Variants in KCNB2 observed in about 807,000 individuals in gnomAD.
KCNB2 encodes delayed rectifier potassium channel protein.
Under a neutral mutation model 61.5 loss-of-function variants are expected in KCNB2, and 15 were observed. The observed-to-expected ratio is 0.24, with a 90% confidence interval of 0.16 to 0.38. The LOEUF (loss-of-function observed/expected upper bound fraction) is 0.38. KCNB2 is among the 10% of genes least tolerant of loss of function. KCNB2 has a pLI of 1.00. For missense variants in KCNB2, 828 were observed against 1,125.2 expected, an observed-to-expected ratio of 0.74 and a Z score of 3.78; for synonymous variants, 457 against 446.0, an observed-to-expected ratio of 1.02 and a Z score of -0.31.
At chr8:72,660,513 C>T (rs548619978) in intron 2 of KCNB2, 1 of 152,296 alleles carries the variant, frequency 6.6e-6, no homozygotes, top group East Asian at 1.9e-4. Flanking sequence ...ACCTCATTTC[C>T]AACATCAGAG....
chr8:72,692,791 T>C (rs956735406), intron 2 of KCNB2, among the ~76,000 whole-genome samples: 8 of 148,942 alleles, frequency 5.4e-5, no homozygotes, highest in Admixed American at 4.0e-4. Flanking sequence ...ATTATTTATT[T>C]ATTTATTATT....
chr8:72,871,269 A>G (rs1366217560), intron 2 of KCNB2, among the ~76,000 whole-genome samples: 1 of 152,252 alleles, frequency 6.6e-6, no homozygotes, highest in Non-Finnish European at 1.5e-5. Context: ...GAAGGGAAGT[A>G]TATAGTGTCT....
chr8:72,938,320 A>G lies in KCNB2; in HGVS notation c.*229A>G. ...AACAAAAATGACTGAAGAACAGTGA[A>G]CAAATAAAAAGAGCTCTATTAGGAA... On this transcript the variant is annotated 3_prime_UTR_variant, in exon 3 of 3. Coordinates refer to ENST00000523207, the MANE Select transcript of KCNB2 (RefSeq NM_004770.3). 1 of 466,978 alleles carries G rather than the reference A, an allele frequency of 2.1e-6. No homozygotes were observed. The highest frequency in any genetic ancestry group is 3.8e-5 in the South Asian group (1 of 26,666). 28.9% of individuals were successfully genotyped at this position (466,978 alleles called of 1,614,324 possible). A position where few individuals can be genotyped will look rare whatever the true frequency, so the allele number is the denominator to read the frequency against.
At chr8:72,817,834 C>A (rs944768465) in intron 2 of KCNB2, among the ~76,000 whole-genome samples, 4 of 152,092 alleles carry the variant, frequency 2.6e-5, no homozygotes, top group African/African-American at 9.7e-5. Context: ...CAGAATAGTA[C>A]CTGTAAATGT....
At chr8:72,595,070 C>G (rs1807166317) in intron 2 of KCNB2, among the ~76,000 whole-genome samples, 1 of 152,030 alleles carries the variant, frequency 6.6e-6, no homozygotes, top group Non-Finnish European at 1.5e-5. Flanking sequence ...ACAGATCAGC[C>G]TTGCAGTGTG....
At chr8:72,798,425 C>A (rs973030186) in intron 2 of KCNB2, among the ~76,000 whole-genome samples, 7 of 152,194 alleles carry the variant, frequency 4.6e-5, no homozygotes, top group African/African-American at 1.7e-4. Flanking sequence ...CCTACCATAG[C>A]ACTCAGCATA....
At chr8:72,705,872 A>C (rs1024512970) in intron 2 of KCNB2, among the ~76,000 whole-genome samples, 20 of 152,242 alleles carry the variant, frequency 1.3e-4, no homozygotes, top group African/African-American at 4.3e-4. Context: ...CAAGAGGCTC[A>C]GTTTGTAAAG....
chr8:72,603,269 T>C (rs1486918093), intron 2 of KCNB2, among the ~76,000 whole-genome samples: 2 of 152,186 alleles, frequency 1.3e-5, no homozygotes, highest in African/African-American at 4.8e-5. Context: ...CCAGTCTTCT[T>C]TTTAACCATG....
chr8:72,838,012 G>T (rs1809812874), intron 2 of KCNB2, among the ~76,000 whole-genome samples: 1 of 152,130 alleles, frequency 6.6e-6, no homozygotes, highest in East Asian at 1.9e-4. Flanking sequence ...TAGGTTTTGT[G>T]CCATTAACAT....
At chr8:72,700,610 A>G (rs1003013718) in intron 2 of KCNB2, among the ~76,000 whole-genome samples, 7 of 152,190 alleles carry the variant, frequency 4.6e-5, no homozygotes, top group African/African-American at 1.7e-4. Context: ...GCTATAGAGA[A>G]AAGGGAACAC....
intron 2 of KCNB2, among the ~76,000 whole-genome samples, chr8:72,899,317 C>A (rs192221499): frequency 1.3e-5 from 2 of 152,062 alleles, no homozygotes; most frequent in Non-Finnish European, 2.9e-5. Flanking sequence ...GAATCATTCC[C>A]CTTGAGGGGA....
At chr8:72,584,575 T>G (rs2128980846) in intron 2 of KCNB2, among the ~76,000 whole-genome samples, 1 of 152,306 alleles carries the variant, frequency 6.6e-6, no homozygotes, top group African/African-American at 2.4e-5. Flanking sequence ...TTTTTTAAAT[T>G]TAGACCAAGA....
intron 2 of KCNB2, among the ~76,000 whole-genome samples, chr8:72,646,811 T>C (rs1372328525): frequency 2.0e-5 from 3 of 152,150 alleles, no homozygotes; most frequent in African/African-American, 7.2e-5. Flanking sequence ...TTAGTAGTGA[T>C]GGTCACACAA....
chr8:72,584,353 A>G (rs1542709), intron 2 of KCNB2, among the ~76,000 whole-genome samples: 114,534 of 152,028 alleles, frequency 0.75, 43,351 homozygotes, highest in African/African-American at 0.8. Flanking sequence ...TGGCTCTGGA[A>G]CCTGGGAGTG....
chr8:72,717,448 C>G (rs10435581), intron 2 of KCNB2, among the ~76,000 whole-genome samples: 1 of 124,038 alleles, frequency 8.1e-6, no homozygotes, highest in African/African-American at 3.7e-5. Context: ...CAGCATGGTA[C>G]TGGTACCAAA....
chr8:72,701,154 G>T (rs745689864), intron 2 of KCNB2, among the ~76,000 whole-genome samples: 2 of 152,104 alleles, frequency 1.3e-5, no homozygotes, highest in East Asian at 3.9e-4. Context: ...GGCATCAGTC[G>T]TACCCAAGTC....
chr8:72,761,929 C>T (rs1198453682), intron 2 of KCNB2, among the ~76,000 whole-genome samples: 1 of 152,114 alleles, frequency 6.6e-6, no homozygotes, highest in Non-Finnish European at 1.5e-5. Context: ...AGCCTATAGA[C>T]TCTATAGTAT....
intron 2 of KCNB2, among the ~76,000 whole-genome samples, chr8:72,601,095 T>A (rs948820577): frequency 6.6e-6 from 1 of 152,174 alleles, no homozygotes; most frequent in Non-Finnish European, 1.5e-5. Flanking sequence ...AAAAAGGGTA[T>A]CAGCAAACTT....
At chr8:72,644,977 C>T (rs1278677463) in intron 2 of KCNB2, among the ~76,000 whole-genome samples, 2 of 152,126 alleles carry the variant, frequency 1.3e-5, no homozygotes, top group African/African-American at 2.4e-5. Context: ...GAAAAGAATG[C>T]CCCAGATTGT....
Sources: gnomAD v4.1 joint callset for allele counts (sites outside exome capture counted in the v4.1 genomes callset) on GRCh38, gnomAD v4.1.1 for gene constraint, MANE v1.5 for transcripts, NCBI Gene and HGNC (gene_info 2026-07-23, HGNC 2026-07-21) for gene names.